Variants in CPEB3 observed in about 807,000 individuals in gnomAD.
The protein encoded by CPEB3 is cytoplasmic polyadenylation element-binding protein 3.
CPEB3 carries 20 observed loss-of-function variants against 67.2 expected under a neutral mutation model. The observed-to-expected ratio is 0.30, with a 90% CI of 0.21 to 0.43. The LOEUF (loss-of-function observed/expected upper bound fraction) is 0.43, where lower values mean the gene tolerates loss of function less well. Among genes scored for constraint, CPEB3 ranks in the 20% least tolerant of loss-of-function variants. The probability of loss-of-function intolerance (pLI) is 1.00; values close to 1 mark genes in which losing one functional copy is unlikely to be tolerated. For missense variants in CPEB3, 746 were observed against 968.6 expected (o/e 0.77, Z 3.05); for synonymous variants, 376 against 393.1 (o/e 0.96, Z 0.51).
chr10:92,274,124 A>G (rs1007147405), intron 1 of CPEB3, among the ~76,000 whole-genome samples: 2 of 152,110 alleles, frequency 1.3e-5, no homozygotes, highest in Non-Finnish European at 2.9e-5. Flanking sequence ...CATTTTTCCA[A>G]TGTTCGATTT....
At chr10:92,285,068 A>C (rs1169313497) in intron 1 of CPEB3, among the ~76,000 whole-genome samples, 1 of 152,224 alleles carries the variant, frequency 6.6e-6, no homozygotes, top group African/African-American at 2.4e-5. Flanking sequence ...ATATGGCAGA[A>C]GGAATCACAT....
intron 2 of CPEB3, among the ~76,000 whole-genome samples, chr10:92,221,868 C>T (rs982041876): frequency 1.3e-5 from 2 of 152,066 alleles, no homozygotes; most frequent in Non-Finnish European, 2.9e-5. Flanking sequence ...GTGTGTTTGC[C>T]CCTTCTGCCA....
chr10:92,203,804 C>T (rs1849652602), intron 2 of CPEB3, among the ~76,000 whole-genome samples: 1 of 152,018 alleles, frequency 6.6e-6, no homozygotes. Context: ...CATTCAGGAG[C>T]CAATGAAGGA....
intron 2 of CPEB3, among the ~76,000 whole-genome samples, chr10:92,230,012 C>T (rs566434517): frequency 1.8e-4 from 28 of 151,682 alleles, no homozygotes; most frequent in African/African-American, 6.8e-4. Flanking sequence ...CACCATTGCA[C>T]TCCAGCCTAG....
intron 1 of CPEB3, among the ~76,000 whole-genome samples, chr10:92,269,270 T>C (rs1233327973): frequency 6.6e-6 from 1 of 152,120 alleles, no homozygotes; most frequent in Non-Finnish European, 1.5e-5. Flanking sequence ...CCACAGTATC[T>C]ACTATCATGG....
At chr10:92,177,118 A>T (rs1276661577) in intron 4 of CPEB3, among the ~76,000 whole-genome samples, 1 of 152,228 alleles carries the variant, frequency 6.6e-6, no homozygotes, top group Non-Finnish European at 1.5e-5. Flanking sequence ...GTATTAGAAA[A>T]ATACGGATGG....
intron 9 of CPEB3, among the ~76,000 whole-genome samples, chr10:92,052,812 G>C (rs147198578): frequency 6.6e-6 from 1 of 152,196 alleles, no homozygotes; most frequent in East Asian, 1.9e-4. Context: ...ACGTCAAAGC[G>C]CATGAGCTGA....
intron 6 of CPEB3, among the ~76,000 whole-genome samples, chr10:92,122,560 C>G (rs1326685570): frequency 6.6e-6 from 1 of 152,190 alleles, no homozygotes; most frequent in African/African-American, 2.4e-5. Flanking sequence ...CTATCATGAG[C>G]AAATTCTTGT....
chr10:92,143,899 T>A (rs1180351859), intron 5 of CPEB3, among the ~76,000 whole-genome samples: 1 of 152,206 alleles, frequency 6.6e-6, no homozygotes, highest in Non-Finnish European at 1.5e-5. Flanking sequence ...ATAAAACCAC[T>A]TTTTGAGACT....
intron 6 of CPEB3, among the ~76,000 whole-genome samples, chr10:92,126,229 C>A (rs1022642953): frequency 1.3e-5 from 2 of 152,152 alleles, no homozygotes; most frequent in Non-Finnish European, 2.9e-5. Context: ...CTGTTCAAAT[C>A]CCTGCAGCTT....
chr10:92,126,097 G>A (rs1246779059), intron 6 of CPEB3, among the ~76,000 whole-genome samples: 1 of 152,156 alleles, frequency 6.6e-6, no homozygotes, highest in Non-Finnish European at 1.5e-5. Flanking sequence ...ACAGCTAGGT[G>A]TTAAAAAATG....
At chr10:92,264,852 C>T (rs1238150090) in intron 1 of CPEB3, among the ~76,000 whole-genome samples, 2 of 151,896 alleles carry the variant, frequency 1.3e-5, no homozygotes, top group Non-Finnish European at 1.5e-5. Context: ...CCAGGTTGCA[C>T]AACATAGACT....
At position 92,261,684 on chromosome 10, in the gene CPEB3, G is replaced by T. The variant is rs78578999; in HGVS notation, c.-11-21323C>A. Among the ~76,000 whole-genome samples the T allele has an allele frequency of 3.5e-4, 53 of 152,240 alleles. No homozygotes were observed. The East Asian group carries it at 9.9e-3, about 28-fold the overall frequency. ...GGCTGGTCTCGAACTCCTGACCTCA[G>T]GTGATCCACCCACCTCGGCCTCCTA... On this transcript the variant is annotated intron_variant, in intron 1 of 9. Transcript: ENST00000265997.
At chr10:92,166,537 G>T (rs1217385230) in intron 4 of CPEB3, among the ~76,000 whole-genome samples, 1 of 152,174 alleles carries the variant, frequency 6.6e-6, no homozygotes, top group Non-Finnish European at 1.5e-5. Flanking sequence ...TCCATCAAGT[G>T]CACTGTCAAT....
intron 2 of CPEB3, among the ~76,000 whole-genome samples, chr10:92,225,037 C>A (rs954987987): frequency 1.3e-5 from 2 of 150,200 alleles, no homozygotes; most frequent in African/African-American, 2.4e-5. Context: ...TGCAATGATG[C>A]AATCTCGGCT....
At chr10:92,120,766 T>C (rs566183403) in intron 6 of CPEB3, among the ~76,000 whole-genome samples, 2 of 152,038 alleles carry the variant, frequency 1.3e-5, no homozygotes, top group South Asian at 4.2e-4. Context: ...AGTGGCATGA[T>C]CTCGGCTCAC....
chr10:92,101,520 G>A (rs1260498028), intron 7 of CPEB3, among the ~76,000 whole-genome samples: 1 of 152,118 alleles, frequency 6.6e-6, no homozygotes, highest in Non-Finnish European at 1.5e-5. Flanking sequence ...TTGTAGTGGT[G>A]ATGAACTCAG....
At chr10:92,288,133 G>A (rs1163587684) in intron 1 of CPEB3, among the ~76,000 whole-genome samples, 2 of 152,082 alleles carry the variant, frequency 1.3e-5, no homozygotes, top group African/African-American at 4.8e-5. Context: ...ATCAACTGGT[G>A]GATATTTGGG....
chr10:92,200,196 AAC>A (rs989525994), intron 2 of CPEB3, among the ~76,000 whole-genome samples: 5 of 152,198 alleles, frequency 3.3e-5, no homozygotes, highest in African/African-American at 1.2e-4. Context: ...ATTGTTGTTA[AAC>A]AGTCTTCCAT....
Sources: allele counts gnomAD v4.1 joint callset (sites outside exome capture counted in the v4.1 genomes callset), GRCh38; gene constraint gnomAD v4.1.1; transcripts MANE v1.5; gene names NCBI Gene and HGNC (gene_info 2026-07-23, HGNC 2026-07-21).